Variants in FNBP1 observed in about 807,000 individuals in gnomAD.
FNBP1 encodes the protein formin binding protein 1.
A neutral mutation model predicts 90.6 loss-of-function variants in FNBP1; 26 were observed. The observed-to-expected ratio is 0.29, with a 90% confidence interval of 0.21 to 0.40. The LOEUF (loss-of-function observed/expected upper bound fraction) is 0.40, where lower values mean the gene tolerates loss of function less well. Among genes scored for constraint, FNBP1 ranks in the 10% least tolerant of loss-of-function variants. FNBP1 has a pLI of 1.00. For missense variants in FNBP1, 635 were observed against 768.0 expected (o/e 0.83, Z 2.05); for synonymous variants, 260 against 265.2 (o/e 0.98, Z 0.19).
At chr9:129,965,466 C>T (rs964564783) in intron 4 of FNBP1, among the ~76,000 whole-genome samples, 1 of 152,156 alleles carries the variant, frequency 6.6e-6, no homozygotes. Flanking sequence ...CTGGCTACTC[C>T]TCTGCTCACT....
At chr9:129,923,720 T>C (rs2131877217) in intron 10 of FNBP1, 124 bp downstream of exon 10, 1 of 1,107,296 alleles carries the variant, frequency 9.0e-7, no homozygotes, top group African/African-American at 1.6e-5. Context: ...TGTTTTTTTT[T>C]TTTTAACTTT....
chr9:129,958,293 A>T (rs2047245328), intron 5 of FNBP1, among the ~76,000 whole-genome samples, 198 bp downstream of exon 5: 1 of 152,096 alleles, frequency 6.6e-6, no homozygotes, highest in Non-Finnish European at 1.5e-5. Context: ...TTAGCCGGGC[A>T]TGGTGACGTG....
chr9:129,935,650 G>T (rs1382379357), intron 6 of FNBP1, among the ~76,000 whole-genome samples: 3 of 152,018 alleles, frequency 2.0e-5, no homozygotes, highest in Admixed American at 6.6e-5. Context: ...ACCATGCCCA[G>T]CTAATTTTTT....
rs2038937897 is a variant in FNBP1 at position 129,909,970 on chromosome 9, T to C, written c.1186-971A>G. Reference sequence around the variant, plus strand: ...ACCTCAAAATCAGTTTTCCACAGTGTACGAAACTCATCTCCGCGGTTTTTA... The same window carrying C: ...ACCTCAAAATCAGTTTTCCACAGTGCACGAAACTCATCTCCGCGGTTTTTA... On this transcript the variant is annotated intron_variant, in intron 11 of 16. Coordinates refer to ENST00000446176, the MANE Select transcript of FNBP1 (RefSeq NM_015033.3). 2.6e-5 allele frequency among the ~76,000 whole-genome samples: 4 copies of C among 152,194 alleles called. No individual in the cohort carries two copies. In the South Asian group the frequency reaches 8.3e-4, roughly 31 times the overall value.
chr9:130,023,148 T>C (rs2058015645), intron 1 of FNBP1, among the ~76,000 whole-genome samples: 1 of 151,934 alleles, frequency 6.6e-6, no homozygotes, highest in Non-Finnish European at 1.5e-5. Flanking sequence ...CATAAATGCT[T>C]GATAGCTCTC....
At chr9:129,998,876 G>A (rs1054792556) in intron 1 of FNBP1, among the ~76,000 whole-genome samples, 5 of 152,106 alleles carry the variant, frequency 3.3e-5, no homozygotes, top group African/African-American at 7.2e-5. Flanking sequence ...ATAATAAAGC[G>A]TTTACCAAGA....
intron 10 of FNBP1, among the ~76,000 whole-genome samples, chr9:129,917,484 C>A (rs1490651404): frequency 6.6e-6 from 1 of 152,020 alleles, no homozygotes; most frequent in South Asian, 2.1e-4. Context: ...AGGTACGTGC[C>A]ACCACGTCCA....
chr9:129,925,398 C>T (rs1311960955), intron 8 of FNBP1, among the ~76,000 whole-genome samples: 1 of 151,300 alleles, frequency 6.6e-6, no homozygotes, highest in Admixed American at 6.6e-5. Flanking sequence ...CCCAGCTACT[C>T]AGGAGGCTGA....
Position 130,043,152 on chromosome 9 carries a change from C to G in FNBP1, c.-177G>C. The G allele has an allele frequency of 2.3e-6, 1 of 431,120 alleles. No homozygotes were observed. The highest frequency in any genetic ancestry group is 3.8e-6 in the Non-Finnish European group (1 of 260,782). The allele number at this position is 431,120 out of a possible 1,614,324, so 26.7% of individuals were successfully genotyped here. A position where few individuals can be genotyped will look rare whatever the true frequency, so the allele number is the denominator to read the frequency against. On this transcript the variant is annotated 5_prime_UTR_variant, in exon 1 of 17. Transcript: ENST00000446176. ...CTCCTCGGCGGCTCCTCCTCCCCGC[C>G]GCTCCACAGCAAAATGGCCCGAGGA...
chr9:129,932,022 C>A (rs142198272), intron 6 of FNBP1, among the ~76,000 whole-genome samples: 1 of 151,626 alleles, frequency 6.6e-6, no homozygotes, highest in African/African-American at 2.4e-5. Context: ...ACCATCCTGG[C>A]CAACATGGTG....
intron 2 of FNBP1, among the ~76,000 whole-genome samples, chr9:129,988,444 C>T (rs957974501): frequency 2.0e-5 from 3 of 152,046 alleles, no homozygotes; most frequent in East Asian, 1.9e-4. Flanking sequence ...TTTGGGAGGC[C>T]GAGGCAGGTG....
chr9:129,976,431 C>T (rs1049585844), intron 4 of FNBP1, among the ~76,000 whole-genome samples: 1 of 152,176 alleles, frequency 6.6e-6, no homozygotes, highest in Non-Finnish European at 1.5e-5. Context: ...AGATTCATCT[C>T]AGTTTATTGG....
At chr9:129,917,919 A>C (rs1162865822) in intron 10 of FNBP1, among the ~76,000 whole-genome samples, 2 of 152,218 alleles carry the variant, frequency 1.3e-5, no homozygotes, top group African/African-American at 4.8e-5. Flanking sequence ...GGTGCACAGC[A>C]GAAAACTCCA....
intron 7 of FNBP1, 27 bp from the exon 8 acceptor site, chr9:129,927,368 A>G: frequency 1.9e-6 from 3 of 1,602,276 alleles, no homozygotes; most frequent in Non-Finnish European, 2.6e-6. Flanking sequence ...TGTATAAAGT[A>G]AGTTTGGTCC....
At chr9:129,986,529 C>T (rs1047050572) in intron 2 of FNBP1, among the ~76,000 whole-genome samples, 34 of 152,208 alleles carry the variant, frequency 2.2e-4, no homozygotes, top group African/African-American at 7.2e-4. Context: ...TGGTGGCTCA[C>T]GCCTGTAATC....
At chr9:129,970,909 T>C (rs772563640) in intron 4 of FNBP1, among the ~76,000 whole-genome samples, 5 of 152,124 alleles carry the variant, frequency 3.3e-5, no homozygotes, top group Non-Finnish European at 5.9e-5. Context: ...TGTTTTGAGA[T>C]GGAGTCTCAC....
At chr9:130,003,668 A>G (rs2055206722) in intron 1 of FNBP1, among the ~76,000 whole-genome samples, 1 of 151,708 alleles carries the variant, frequency 6.6e-6, no homozygotes, top group East Asian at 1.9e-4. Context: ...TCACGCCTGT[A>G]ATTCCAGCAC....
intron 1 of FNBP1, among the ~76,000 whole-genome samples, chr9:130,026,409 G>A (rs1428154717): frequency 1.3e-5 from 2 of 151,978 alleles, no homozygotes; most frequent in African/African-American, 2.4e-5. Flanking sequence ...CAGGAGAATC[G>A]CTTGAACCTG....
chr9:129,926,128 C>T (rs565711699), intron 8 of FNBP1, among the ~76,000 whole-genome samples: 3 of 151,164 alleles, frequency 2.0e-5, no homozygotes, highest in East Asian at 2.0e-4. Context: ...CATACCACCA[C>T]ACCCAGCTAA....
Sources: gnomAD v4.1 joint callset for allele counts (sites outside exome capture counted in the v4.1 genomes callset) on GRCh38, gnomAD v4.1.1 for gene constraint, MANE v1.5 for transcripts, NCBI Gene and HGNC (gene_info 2026-07-23, HGNC 2026-07-21) for gene names.